Variants in HEPHL1 observed in about 807,000 individuals in gnomAD.
The protein encoded by HEPHL1 is hephaestin like 1, also known as ferroxidase HEPHL1.
Under a neutral mutation model 122.0 loss-of-function variants are expected in HEPHL1, and 123 were observed. The observed-to-expected ratio is 1.01, with a 90% confidence interval of 0.87 to 1.17. HEPHL1 has a LOEUF of 1.17. Among genes scored for constraint, HEPHL1 ranks in the 50% most tolerant of loss-of-function variants. The pLI is 0.00. For missense variants in HEPHL1, 1,452 were observed against 1,430.5 expected (o/e 1.01, Z -0.24); for synonymous variants, 527 against 508.9 (o/e 1.04, Z -0.48).
intron 1 of HEPHL1, among the ~76,000 whole-genome samples, chr11:94,023,853 C>T (rs1256296056): frequency 6.6e-6 from 1 of 152,088 alleles, no homozygotes; most frequent in Admixed American, 6.6e-5. Context: ...TATCAGTGAT[C>T]CCATCAGTGC....
intron 2 of HEPHL1, 60 bp from the exon 3 acceptor site, chr11:94,063,448 C>T: frequency 7.7e-7 from 1 of 1,305,668 alleles, no homozygotes; most frequent in South Asian, 1.3e-5. Context: ...TCTACTATAG[C>T]ATGTGATCTC....
chr11:94,110,893 G>GT lies in HEPHL1; in HGVS notation c.3046-5dup. On this transcript the variant is annotated splice_polypyrimidine_tract_variant and intron_variant, in intron 17 of 19. Transcript: ENST00000315765. ...GCTACTAGCTGTTGTTTTTTAAAAC[G>GT]TTTTTGCAGATAGATAAATCTTACC... 1 of 1,605,338 alleles carries GT rather than the reference G, an allele frequency of 6.2e-7. No individual in the cohort carries two copies.
intron 2 of HEPHL1, among the ~76,000 whole-genome samples, chr11:94,048,760 A>G (rs565189771): frequency 7.7e-6 from 1 of 130,688 alleles, no homozygotes; most frequent in African/African-American, 2.5e-5. Flanking sequence ...TTGTTTACCC[A>G]GGAAACCTTC....
At position 94,093,616 on chromosome 11, in the gene HEPHL1, C is replaced by T. The variant is rs185758554; in HGVS notation, c.2410C>T (p.Arg804Ter). 15 of 1,613,496 alleles carry T rather than the reference C, an allele frequency of 9.3e-6. No homozygotes were observed. Among genetic ancestry groups the T allele is most frequent in the African/African-American group, 2.7e-5 (2 of 74,926 alleles). ...TGTGGAGATCAAAGCCCGACCACCACGAGAGGAGCACTTAGAACTCCTGGG... is the reference window on the plus strand; with the variant it reads ...TGTGGAGATCAAAGCCCGACCACCATGAGAGGAGCACTTAGAACTCCTGGG... The part of the protein sequence containing the change: ...EFVEIKARPP[R>*]EEHLELLGPM... The change falls in exon 13 of 20, where the codon CGA (arginine) becomes TGA (stop). Residue 804 changes from arginine to a stop codon, truncating the protein, a stop_gained. Transcript: ENST00000315765. LOFTEE classifies it high-confidence loss of function.
chr11:94,093,692 C>G, intron 13 of HEPHL1, 52 bp downstream of exon 13: 1 of 1,577,112 alleles, frequency 6.3e-7, no homozygotes, highest in Non-Finnish European at 8.6e-7. Flanking sequence ...TGTGCATGCA[C>G]ACATACTCAT....
intron 6 of HEPHL1, among the ~76,000 whole-genome samples, chr11:94,072,448 G>C (rs2511410): frequency 6.6e-6 from 1 of 151,954 alleles, no homozygotes. Context: ...GGCTGCAAGA[G>C]TGATGGCACC....
At chr11:94,075,799 A>C (rs1324819147) in intron 9 of HEPHL1, among the ~76,000 whole-genome samples, 1 of 152,180 alleles carries the variant, frequency 6.6e-6, no homozygotes, top group Non-Finnish European at 1.5e-5. Context: ...TCTCCAGATG[A>C]TTCCAATGTG....
intron 9 of HEPHL1, among the ~76,000 whole-genome samples, chr11:94,078,291 C>G (rs1372211842): frequency 6.6e-6 from 1 of 151,872 alleles, no homozygotes; most frequent in Non-Finnish European, 1.5e-5. Flanking sequence ...AACTCATTTT[C>G]CTTATCCACA....
intron 12 of HEPHL1, among the ~76,000 whole-genome samples, chr11:94,091,831 G>T (rs1946265426): frequency 6.6e-6 from 1 of 152,142 alleles, no homozygotes; most frequent in Non-Finnish European, 1.5e-5. Context: ...AACAACCTGT[G>T]TAAAGGCCTG....
intron 13 of HEPHL1, among the ~76,000 whole-genome samples, chr11:94,095,747 T>C (rs1350958101): frequency 6.6e-6 from 1 of 152,222 alleles, no homozygotes; most frequent in Non-Finnish European, 1.5e-5. Context: ...ACATCCCTTG[T>C]AAGTTGGATT....
rs5793669 is a variant in HEPHL1, at chr11:94,084,336, T to TTAAATAAATAAA, written c.1868-1610_1868-1599dup. Among the ~76,000 whole-genome samples, 59 of 146,840 alleles carry TTAAATAAATAAA rather than the reference T, an allele frequency of 4.0e-4. 1 individual carries two copies. Among genetic ancestry groups the TTAAATAAATAAA allele is most frequent in the South Asian group, 1.3e-3 (6 of 4,504 alleles). ...CAACAGGGTAAGACCCTCTCTCTGT[T>TTAAATAAATAAA]TAAATAAATAAATAAATAAATAAAT... On this transcript the variant is annotated intron_variant, in intron 10 of 19. Coordinates refer to ENST00000315765, the MANE Select transcript of HEPHL1 (RefSeq NM_001098672.2).
intron 3 of HEPHL1, among the ~76,000 whole-genome samples, chr11:94,063,965 T>C (rs532467973): frequency 6.6e-6 from 1 of 152,348 alleles, no homozygotes; most frequent in South Asian, 2.1e-4. Context: ...ACACAATGTA[T>C]AGAAAAGTGA....
chr11:94,079,326 A>G (rs1314229845), intron 9 of HEPHL1, among the ~76,000 whole-genome samples: 2 of 152,232 alleles, frequency 1.3e-5, no homozygotes, highest in African/African-American at 4.8e-5. Context: ...CTGTTCACAT[A>G]GCCCATGATC....
chr11:94,093,701 A>C, intron 13 of HEPHL1, 61 bp downstream of exon 13: 5 of 1,549,774 alleles, frequency 3.2e-6, no homozygotes, highest in Non-Finnish European at 3.5e-6. Flanking sequence ...ACACATACTC[A>C]TGTGTTCTGT....
rs540000511 is a variant in HEPHL1 at position 94,063,829 on chromosome 11, C to A, written c.628+109C>A. ...CACAGAATGTGCCTCTTCCAAATTT[C>A]TTTAGAAATTCTGACATGGAAGATC... On this transcript the variant is annotated intron_variant, in intron 3 of 19. Coordinates refer to ENST00000315765, the MANE Select transcript of HEPHL1 (RefSeq NM_001098672.2). 2.7e-4 allele frequency: 241 copies of A among 880,232 alleles called. No individual in the cohort carries two copies. In the African/African-American group the frequency reaches 3.6e-3, roughly 13 times the overall value. The allele number at this position is 880,232 out of a possible 1,614,324, so 54.5% of individuals were successfully genotyped here. A position where few individuals can be genotyped will look rare whatever the true frequency, so the allele number is the denominator to read the frequency against.
At position 94,103,027 on chromosome 11, in the gene HEPHL1, TG is replaced by T; in HGVS notation, c.2682+9del. 1 of 1,497,920 alleles carries T rather than the reference TG, an allele frequency of 6.7e-7. No homozygotes were observed. 92.8% of individuals were successfully genotyped at this position (1,497,920 alleles called of 1,614,324 possible). On this transcript the variant is annotated splice_region_variant and intron_variant, in intron 15 of 19. Transcript: ENST00000315765. The stretch of plus-strand genomic sequence containing the variant: ...AACAGTAAACTTTGTGAAGGTAAGG[TG>T]GAGAAAGCAACCAAAAGGCTTAAAA...
chr11:94,044,761 AC>A (rs1227747666), intron 1 of HEPHL1, among the ~76,000 whole-genome samples: 1 of 133,300 alleles, frequency 7.5e-6, no homozygotes, highest in African/African-American at 2.9e-5. Flanking sequence ...CATTCTCCAA[AC>A]CTTTTTTTTT....
At chr11:94,051,200 T>A (rs564429197) in intron 2 of HEPHL1, among the ~76,000 whole-genome samples, 1 of 152,144 alleles carries the variant, frequency 6.6e-6, no homozygotes, top group African/African-American at 2.4e-5. Context: ...ATGATAGCTC[T>A]GTTTTTAGTT....
In HEPHL1 at chr11:94,045,929, T is replaced by C. The variant is rs762055676; in HGVS notation, c.415+12T>C. 1.2e-6 allele frequency: 2 copies of C among 1,612,318 alleles called. No homozygotes were observed. The highest frequency in any genetic ancestry group is 4.5e-5 in the East Asian group (2 of 44,862). On this transcript the variant is annotated intron_variant, in intron 2 of 19. Coordinates refer to ENST00000315765, the MANE Select transcript of HEPHL1 (RefSeq NM_001098672.2). ...CAAAGATTCAGAAGGTAAATATCAA[T>C]CCTTTATTACTGGGGTCTTGTCTCT...
Sources: allele counts gnomAD v4.1 joint callset (sites outside exome capture counted in the v4.1 genomes callset), GRCh38; gene constraint gnomAD v4.1.1; transcripts MANE v1.5; gene names NCBI Gene and HGNC (gene_info 2026-07-23, HGNC 2026-07-21).